The following DCAF5 variants were observed in gnomAD, a reference collection of about 807,000 sequenced individuals.
DCAF5 encodes the protein DDB1- and CUL4-associated factor 5.
Under a neutral mutation model 80.7 loss-of-function variants are expected in DCAF5, and 9 were observed. The ratio of observed to expected loss-of-function variants is 0.11; its 90% CI spans 0.07 to 0.19. The LOEUF (loss-of-function observed/expected upper bound fraction) is 0.19, where lower values mean the gene tolerates loss of function less well. Among genes scored for constraint, DCAF5 ranks in the 10% least tolerant of loss-of-function variants. DCAF5 has a pLI of 1.00. For synonymous variants in DCAF5, 433 were observed against 461.9 expected, an observed-to-expected ratio of 0.94 and a Z score of 0.80; for missense variants, 842 against 1,205.7, an observed-to-expected ratio of 0.70 and a Z score of 4.47.
Position 69,152,439 on chromosome 14 carries a change from T to C in DCAF5, c.214+326A>G, listed in dbSNP as rs913576827. 2 of 253,018 alleles carry C rather than the reference T, an allele frequency of 7.9e-6. No homozygotes were observed. Among genetic ancestry groups the C allele is most frequent in the South Asian group, 6.9e-5 (1 of 14,570 alleles). 15.7% of individuals were successfully genotyped at this position (253,018 alleles called of 1,614,324 possible). A position where few individuals can be genotyped will look rare whatever the true frequency, so the allele number is the denominator to read the frequency against. Reference sequence around the variant, plus strand: ...CTTTTAAAGTACGCGGAGGAAGAGTTTGCCGTCAAACTTTGTAGAGCGGTA... The same window carrying C: ...CTTTTAAAGTACGCGGAGGAAGAGTCTGCCGTCAAACTTTGTAGAGCGGTA... On this transcript the variant is annotated intron_variant, in intron 1 of 8. Coordinates refer to ENST00000341516, the MANE Select transcript of DCAF5 (RefSeq NM_003861.3). This position sits in a 1 kb window ranked among gnomAD's most constrained non-coding sequence, Gnocchi z 4.1.
At chr14:69,112,019 T>C (rs1040756350) in intron 5 of DCAF5, among the ~76,000 whole-genome samples, 3 of 152,208 alleles carry the variant, frequency 2.0e-5, no homozygotes, top group Non-Finnish European at 4.4e-5. Context: ...TGGCTGACTA[T>C]TGCCATATGA....
Position 69,055,392 on chromosome 14 carries a change from A to C in DCAF5, c.1294T>G (p.Ser432Ala). ...LVRREIEGWS[S>A]DSDSDLSEST... is the part of the protein sequence containing the mutation. ...TCACTGAGGTCACTGTCTGAGTCAG[A>C]GCTCCAGCCCTCGATCTCTCGGCGT... Residue 432 changes from serine (S) to alanine (A), a missense_variant, in exon 9 of 9, where the codon TCT (serine) becomes GCT (alanine). Physicochemically the swap from Ser to Ala is moderately conservative, Grantham distance 99. Around this residue, in one of 5 missense-constraint regions of DCAF5, gnomAD observed 607 missense variants for 656.6 expected, o/e 0.92. Coordinates refer to ENST00000341516, the MANE Select transcript of DCAF5 (RefSeq NM_003861.3). The surrounding 1 kb of genome is among the most constrained non-coding windows in gnomAD (Gnocchi z 5.6). 2 of 1,614,136 alleles carry C rather than the reference A, an allele frequency of 1.2e-6. No homozygotes were observed.
rs1595030767 is a variant in DCAF5 at position 69,118,040 on chromosome 14, C to G, written c.535+99G>C. 2.0e-6 allele frequency: 3 copies of G among 1,496,268 alleles called. No individual in the cohort carries two copies. Among genetic ancestry groups the G allele is most frequent in the Non-Finnish European group, 2.8e-6 (3 of 1,088,730 alleles). 92.7% of individuals were successfully genotyped at this position (1,496,268 alleles called of 1,614,324 possible). ...TTTCACATTTCCTTTCCCTTGACAT[C>G]ACTTGCACATAGATACTGAGGTAAT... On this transcript the variant is annotated intron_variant, in intron 4 of 8. Coordinates refer to ENST00000341516, the MANE Select transcript of DCAF5 (RefSeq NM_003861.3). The surrounding 1 kb of genome is among the most constrained non-coding windows in gnomAD (Gnocchi z 4.0).
At chr14:69,060,984 A>G (rs1341468675) in intron 8 of DCAF5, among the ~76,000 whole-genome samples, 1 of 152,004 alleles carries the variant, frequency 6.6e-6, no homozygotes, top group African/African-American at 2.4e-5. Context: ...TCAGGTTTTC[A>G]AAGTCATTTT....
At chr14:69,107,474 A>T (rs1193443383) in intron 5 of DCAF5, among the ~76,000 whole-genome samples, 1 of 152,234 alleles carries the variant, frequency 6.6e-6, no homozygotes, top group Admixed American at 6.5e-5. Flanking sequence ...GGGTCCAGGA[A>T]GGAGTGCTTC....
Position 69,051,685 on chromosome 14 carries a change from T to C in DCAF5, c.*2172A>G, listed in dbSNP as rs1314805392. On this transcript the variant is annotated 3_prime_UTR_variant, in exon 9 of 9. Transcript: ENST00000341516. ...GGAATTGTAACTACCAAGTAGCTAGTTCCCAAGGGAACTTTAACTACTTCT... is the reference window on the plus strand; with the variant it reads ...GGAATTGTAACTACCAAGTAGCTAGCTCCCAAGGGAACTTTAACTACTTCT... 1 of 152,402 alleles carries C rather than the reference T, an allele frequency of 6.6e-6. No homozygotes were observed. Among genetic ancestry groups the C allele is most frequent in the Non-Finnish European group, 1.5e-5 (1 of 68,046 alleles). 9.4% of individuals were successfully genotyped at this position (152,402 alleles called of 1,614,324 possible). A position where few individuals can be genotyped will look rare whatever the true frequency, so the allele number is the denominator to read the frequency against.
intron 5 of DCAF5, among the ~76,000 whole-genome samples, chr14:69,094,845 T>C (rs2039647782): frequency 6.6e-6 from 1 of 152,182 alleles, no homozygotes; most frequent in Admixed American, 6.5e-5. Context: ...TCTAATTCAA[T>C]CTGGGAAGTG....
intron 5 of DCAF5, among the ~76,000 whole-genome samples, chr14:69,093,720 T>A (rs1244548669): frequency 6.6e-6 from 1 of 152,186 alleles, no homozygotes; most frequent in Non-Finnish European, 1.5e-5. Flanking sequence ...AAGGAAGGAA[T>A]GCTCTGGTAG....
At chr14:69,099,327 C>T (rs1035159439) in intron 5 of DCAF5, among the ~76,000 whole-genome samples, 1 of 148,702 alleles carries the variant, frequency 6.7e-6, no homozygotes, top group Admixed American at 6.7e-5. Flanking sequence ...CAGGCTCCAT[C>T]GAGATTCACA....
chr14:69,076,203 G>C lies in DCAF5; in HGVS notation c.880-792C>G, dbSNP rs527300070. Among the ~76,000 whole-genome samples the C allele has an allele frequency of 3.9e-5, 6 of 152,038 alleles. No individual in the cohort carries two copies. The East Asian group carries it at 9.7e-4, about 24-fold the overall frequency. ...TTGCTGGTGGGAATGACTAACGAAC[G>C]GTGCAACTGCTGTGGAAAACAATAT... On this transcript the variant is annotated intron_variant, in intron 6 of 8. Transcript: ENST00000341516.
At chr14:69,097,705 G>A (rs1020438990) in intron 5 of DCAF5, among the ~76,000 whole-genome samples, 1 of 151,174 alleles carries the variant, frequency 6.6e-6, no homozygotes, top group Admixed American at 6.6e-5. Context: ...TCCTGCCTCA[G>A]CCTCCCCAGC....
chr14:69,140,453 T>C (rs1048665742), intron 1 of DCAF5, among the ~76,000 whole-genome samples: 2 of 152,216 alleles, frequency 1.3e-5, no homozygotes, highest in African/African-American at 4.8e-5. Flanking sequence ...CTTGCTTATT[T>C]AATTCTTATT....
Position 69,152,692 on chromosome 14 carries a change from T to A in DCAF5, c.214+73A>T. 9.4e-7 allele frequency: 1 copy of A among 1,058,296 alleles called. No individual in the cohort carries two copies. Among genetic ancestry groups the A allele is most frequent in the Non-Finnish European group, 1.3e-6 (1 of 770,218 alleles). The allele number at this position is 1,058,296 out of a possible 1,614,324, so 65.6% of individuals were successfully genotyped here. On this transcript the variant is annotated intron_variant, in intron 1 of 8. Transcript: ENST00000341516. The surrounding 1 kb of genome is among the most constrained non-coding windows in gnomAD (Gnocchi z 4.1). ...GTGGGGACAGAGGGCAGGAGGAGGG[T>A]GACGGGGGAGAGCGAGAGGGGGAGG...
At chr14:69,067,886 T>G (rs2038524195) in intron 7 of DCAF5, among the ~76,000 whole-genome samples, 1 of 152,122 alleles carries the variant, frequency 6.6e-6, no homozygotes, top group Non-Finnish European at 1.5e-5. Flanking sequence ...CTGCCCACCT[T>G]GGCCTCCCAA....
At chr14:69,078,833 G>A (rs2038993364) in intron 6 of DCAF5, among the ~76,000 whole-genome samples, 1 of 152,142 alleles carries the variant, frequency 6.6e-6, no homozygotes. Flanking sequence ...AGTGGTGATG[G>A]TTACACAACA....
At chr14:69,070,996 C>T (rs2038669705) in intron 7 of DCAF5, among the ~76,000 whole-genome samples, 1 of 152,128 alleles carries the variant, frequency 6.6e-6, no homozygotes. Context: ...CAGTGTTTCA[C>T]TATGTTAGCC....
intron 6 of DCAF5, among the ~76,000 whole-genome samples, chr14:69,088,144 T>A (rs35686041): frequency 0.29 from 43,528 of 152,116 alleles, 7,329 homozygotes; most frequent in Middle Eastern, 0.46. Context: ...CACTCCTTAA[T>A]GTTTACTCCT....
chr14:69,115,218 A>G (rs2040504560), intron 5 of DCAF5, among the ~76,000 whole-genome samples: 1 of 152,144 alleles, frequency 6.6e-6, no homozygotes, highest in Non-Finnish European at 1.5e-5. Flanking sequence ...ATTTCAATAG[A>G]CTGTAAAAGC....
intron 8 of DCAF5, among the ~76,000 whole-genome samples, chr14:69,061,180 C>A (rs1347368321): frequency 6.6e-6 from 1 of 151,880 alleles, no homozygotes; most frequent in Non-Finnish European, 1.5e-5. Context: ...TTTGTAGAGA[C>A]CACGTCCCAC....
Sources: gnomAD v4.1 joint callset for allele counts (sites outside exome capture counted in the v4.1 genomes callset) on GRCh38, gnomAD v4.1.1 for gene constraint, gnomAD v4.1.1 regional missense constraint, Gnocchi (gnomAD v3.1) non-coding constraint, MANE v1.5 for transcripts, NCBI Gene and HGNC (gene_info 2026-07-23, HGNC 2026-07-21) for gene names.